Variants in RUNX1 observed in about 807,000 individuals in gnomAD.
RUNX1 encodes the protein runt-related transcription factor 1.
A neutral mutation model predicts 42.8 loss-of-function variants in RUNX1; 19 were observed. That is an observed-to-expected ratio of 0.44 (90% CI 0.31 to 0.65). The LOEUF (loss-of-function observed/expected upper bound fraction) is 0.65, where lower values mean the gene tolerates loss of function less well. Ranked by LOEUF, RUNX1 falls within the 30% of genes least tolerant of loss-of-function variation. The probability of loss-of-function intolerance (pLI) is 0.07; values close to 1 mark genes in which losing one functional copy is unlikely to be tolerated. For synonymous variants in RUNX1, 271 were observed against 289.4 expected, an observed-to-expected ratio of 0.94 and a Z score of 0.64; for missense variants, 528 against 672.0, an observed-to-expected ratio of 0.79 and a Z score of 2.37.
chr21:34,949,640 A>T (rs1255469112), intron 2 of RUNX1, among the ~76,000 whole-genome samples: 2 of 152,142 alleles, frequency 1.3e-5, no homozygotes, highest in African/African-American at 4.8e-5. Context: ...GGTAGCTCCA[A>T]CCCCAATCGC....
intron 5 of RUNX1, among the ~76,000 whole-genome samples, chr21:34,860,198 C>T (rs560024916): frequency 6.6e-6 from 1 of 152,186 alleles, no homozygotes; most frequent in African/African-American, 2.4e-5. Flanking sequence ...AACTGACAGA[C>T]TGAGATTCAA....
chr21:34,960,610 T>G (rs1190605761), intron 2 of RUNX1, among the ~76,000 whole-genome samples: 1 of 152,232 alleles, frequency 6.6e-6, no homozygotes, highest in Non-Finnish European at 1.5e-5. Context: ...GTCAAAGACA[T>G]TCTGAGACTT....
At chr21:35,010,561 G>C (rs1320072104) in intron 2 of RUNX1, among the ~76,000 whole-genome samples, 1 of 151,740 alleles carries the variant, frequency 6.6e-6, no homozygotes, top group East Asian at 1.9e-4. Flanking sequence ...ATAATAGTTT[G>C]TTAAATGAAT....
At chr21:35,010,633 A>ACG (rs1569149826) in intron 2 of RUNX1, among the ~76,000 whole-genome samples, 19 of 149,688 alleles carry the variant, frequency 1.3e-4, no homozygotes, top group African/African-American at 4.6e-4. Context: ...ACGCACACAC[A>ACG]CACACACACA....
chr21:34,970,675 C>G (rs568271714), intron 2 of RUNX1, among the ~76,000 whole-genome samples: 1 of 152,310 alleles, frequency 6.6e-6, no homozygotes, highest in African/African-American at 2.4e-5. Flanking sequence ...TTCTTTACAT[C>G]TGCAAACTCA....
chr21:34,795,997 G>T (rs1043701780), intron 8 of RUNX1, among the ~76,000 whole-genome samples: 2 of 152,162 alleles, frequency 1.3e-5, no homozygotes, highest in African/African-American at 2.4e-5. Flanking sequence ...TGAACGAAAG[G>T]TCACCCTGTT....
rs190993837 is a variant in RUNX1 at position 34,917,671 on chromosome 21, C to G, written c.59-24708G>C. On this transcript the variant is annotated intron_variant, in intron 2 of 8. Coordinates refer to ENST00000675419, the MANE Select transcript of RUNX1 (RefSeq NM_001754.5). ...TGGTCAGACACATAAAGAAAGCAAG[C>G]GAGAAAGCCTGGAACGTTGAGCCCT... Among the ~76,000 whole-genome samples, 190 of 152,050 alleles carry G rather than the reference C, an allele frequency of 1.2e-3. 1 individual carries two copies. The highest frequency in any genetic ancestry group is 1.7e-3 in the Non-Finnish European group (118 of 67,970).
chr21:34,865,295 T>C (rs919413617), intron 5 of RUNX1, among the ~76,000 whole-genome samples: 1 of 141,852 alleles, frequency 7.0e-6, no homozygotes, highest in African/African-American at 3.0e-5. Context: ...TGTGTGTGTG[T>C]GTGTGTGTGT....
At chr21:34,865,590 G>GCCATGACACC (rs2146271188) in intron 5 of RUNX1, among the ~76,000 whole-genome samples, 1 of 152,262 alleles carries the variant, frequency 6.6e-6, no homozygotes, top group South Asian at 2.1e-4. Context: ...CTGGACACTC[G>GCCATGACACC]CTGCCATGAC....
At chr21:34,841,491 G>A (rs953693620) in intron 6 of RUNX1, among the ~76,000 whole-genome samples, 13 of 152,218 alleles carry the variant, frequency 8.5e-5, no homozygotes, top group African/African-American at 2.6e-4. Flanking sequence ...GTCCTACAGT[G>A]GCCTCTCAGG....
intron 2 of RUNX1, among the ~76,000 whole-genome samples, chr21:34,936,158 AGTGCTGTTT>A (rs150883192): frequency 0.07 from 10,640 of 151,424 alleles, 502 homozygotes; most frequent in African/African-American, 0.12. Context: ...TTATGACTCA[AGTGCTGTTT>A]GTCTGCATAC....
At chr21:34,964,487 C>CAA (rs58388110) in intron 2 of RUNX1, among the ~76,000 whole-genome samples, 81 of 119,330 alleles carry the variant, frequency 6.8e-4, no homozygotes, top group African/African-American at 2.0e-3. Context: ...GACTCCATCT[C>CAA]AAAAAAAAAA....
intron 7 of RUNX1, among the ~76,000 whole-genome samples, chr21:34,814,308 GTT>G (rs1057180367): frequency 3.9e-5 from 6 of 152,156 alleles, no homozygotes; most frequent in African/African-American, 1.2e-4. Flanking sequence ...TGCCTTCTGT[GTT>G]TTGAGGTGGT....
chr21:34,904,030 A>G (rs898113461), intron 2 of RUNX1, among the ~76,000 whole-genome samples: 18 of 152,214 alleles, frequency 1.2e-4, no homozygotes, highest in Non-Finnish European at 2.2e-4. Flanking sequence ...TATTCAATAA[A>G]TGATACCTTT....
chr21:34,972,855 C>G (rs1211605146), intron 2 of RUNX1, among the ~76,000 whole-genome samples: 1 of 152,018 alleles, frequency 6.6e-6, no homozygotes, highest in Admixed American at 6.5e-5. Context: ...TTGGAGAGAG[C>G]CTGATGCTCC....
intron 2 of RUNX1, among the ~76,000 whole-genome samples, chr21:35,003,792 G>A (rs61475737): frequency 0.011 from 1,640 of 152,274 alleles, 36 homozygotes; most frequent in African/African-American, 0.037. Context: ...CTTACCCTGA[G>A]ACTGAAAGGG....
intron 2 of RUNX1, among the ~76,000 whole-genome samples, chr21:34,979,059 C>T (rs938979848): frequency 1.1e-4 from 17 of 151,780 alleles, no homozygotes; most frequent in African/African-American, 3.6e-4. Flanking sequence ...GTAAAGATCT[C>T]TCGTAATTTC....
At chr21:34,856,802 T>C (rs1287942745) in intron 6 of RUNX1, among the ~76,000 whole-genome samples, 1 of 152,190 alleles carries the variant, frequency 6.6e-6, no homozygotes, top group Non-Finnish European at 1.5e-5. Context: ...TGCACCATAA[T>C]CATGGAGGGG....
At chr21:34,814,705 T>C (rs1334627222) in intron 7 of RUNX1, among the ~76,000 whole-genome samples, 1 of 152,140 alleles carries the variant, frequency 6.6e-6, no homozygotes, top group Non-Finnish European at 1.5e-5. Flanking sequence ...TACGAAAGAC[T>C]AAAAGCACCG....
Sources: allele counts gnomAD v4.1 joint callset (sites outside exome capture counted in the v4.1 genomes callset), GRCh38; gene constraint gnomAD v4.1.1; transcripts MANE v1.5; gene names NCBI Gene and HGNC (gene_info 2026-07-23, HGNC 2026-07-21).